The following FMN2 variants were observed in gnomAD, a reference collection of about 807,000 sequenced individuals.
FMN2 encodes formin 2, also known as formin-2.
A neutral mutation model predicts 142.3 loss-of-function variants in FMN2; 51 were observed. The observed-to-expected ratio is 0.36, with a 90% CI of 0.29 to 0.45. FMN2 has a LOEUF of 0.45. FMN2 is among the 20% of genes least tolerant of loss of function. The pLI is 1.00. For synonymous variants in FMN2, 882 were observed against 869.8 expected, an observed-to-expected ratio of 1.01 and a Z score of -0.25; for missense variants, 1,936 against 2,122.8, an observed-to-expected ratio of 0.91 and a Z score of 1.73.
intron 8 of FMN2, among the ~76,000 whole-genome samples, chr1:240,323,091 C>T (rs1671030167): frequency 6.6e-6 from 1 of 151,970 alleles, no homozygotes; most frequent in Admixed American, 6.6e-5. Flanking sequence ...CACATTGACT[C>T]TTCAGACCTT....
intron 13 of FMN2, chr1:240,341,257 G>A (rs1188590705): frequency 6.6e-6 from 1 of 151,864 alleles, no homozygotes; most frequent in African/African-American, 2.4e-5. Context: ...TTATGTCATT[G>A]ATATTTGTAA....
intron 7 of FMN2, among the ~76,000 whole-genome samples, chr1:240,290,779 GGTTTTTTTTTTTT>G (rs1008129009): frequency 6.2e-5 from 7 of 112,532 alleles, no homozygotes; most frequent in Admixed American, 1.9e-4. Flanking sequence ...CTGTTTGTTT[GGTTTTTTTTTTTT>G]GTTTTTTTTT....
intron 13 of FMN2, among the ~76,000 whole-genome samples, chr1:240,353,861 T>A (rs1049419637): frequency 2.6e-5 from 4 of 152,146 alleles, no homozygotes; most frequent in Non-Finnish European, 5.9e-5. Context: ...CGCCTCATCC[T>A]GCTTGGAGAC....
intron 7 of FMN2, among the ~76,000 whole-genome samples, chr1:240,286,206 AG>A (rs1377512247): frequency 6.6e-6 from 1 of 152,038 alleles, no homozygotes; most frequent in Non-Finnish European, 1.5e-5. Flanking sequence ...TTGGGGGAGG[AG>A]GGCTGAATGG....
At chr1:240,409,375 T>C (rs1482389601) in intron 15 of FMN2, among the ~76,000 whole-genome samples, 2 of 151,992 alleles carry the variant, frequency 1.3e-5, no homozygotes, top group African/African-American at 2.4e-5. Context: ...AACTCCTGAC[T>C]TCAAAGGATC....
At chr1:240,145,236 C>A in intron 2 of FMN2, 1 of 1,472,474 alleles carries the variant, frequency 6.8e-7, no homozygotes. Context: ...TTATCTTCCT[C>A]AGACAGCTCC....
intron 2 of FMN2, chr1:240,142,895 A>C: frequency 1.2e-6 from 2 of 1,605,456 alleles, no homozygotes; most frequent in Non-Finnish European, 1.7e-6. Context: ...GCTCCTCATC[A>C]AACGTAACCA....
In FMN2 at chr1:240,171,280, G is replaced by A. The variant is rs76927661; in HGVS notation, c.1783-6641G>A. On this transcript the variant is annotated intron_variant, in intron 2 of 17. Coordinates refer to ENST00000319653, the MANE Select transcript of FMN2 (RefSeq NM_020066.5). ...GCATTCTGGAAAAAGCATTCGAACT[G>A]TTGTGAAGATTTAATTCAAAAGAGA... is the stretch of plus-strand genomic sequence containing the variant. The A allele has an allele frequency of 1.8e-3, 1,345 of 739,724 alleles. 9 individuals carry two copies. The African/African-American group carries it at 0.02, about 11-fold the overall frequency. 45.8% of individuals were successfully genotyped at this position (739,724 alleles called of 1,614,324 possible). A position where few individuals can be genotyped will look rare whatever the true frequency, so the allele number is the denominator to read the frequency against.
chr1:240,460,916 T>C (rs1042017828), intron 16 of FMN2, among the ~76,000 whole-genome samples: 3 of 152,150 alleles, frequency 2.0e-5, no homozygotes, highest in Non-Finnish European at 4.4e-5. Flanking sequence ...GAACTCCCAC[T>C]CTGGGCCTGC....
intron 1 of FMN2, 51 bp downstream of exon 1, chr1:240,093,775 G>C: frequency 8.0e-7 from 1 of 1,248,444 alleles, no homozygotes; most frequent in Admixed American, 4.2e-5. Context: ...CTGTCAGTCA[G>C]GGCCTTCCCC....
intron 2 of FMN2, chr1:240,170,769 GGGA>G: frequency 1.6e-6 from 2 of 1,252,524 alleles, no homozygotes; most frequent in Admixed American, 3.4e-5. Flanking sequence ...TCTTTGGCCT[GGGA>G]GGAGTTGGAT....
At chr1:240,158,766 ACT>A (rs1664139106) in intron 2 of FMN2, among the ~76,000 whole-genome samples, 1 of 151,958 alleles carries the variant, frequency 6.6e-6, no homozygotes, top group Admixed American at 6.6e-5. Context: ...TTTTGTCCAC[ACT>A]CTCATAAAGA....
intron 15 of FMN2, among the ~76,000 whole-genome samples, chr1:240,411,883 TG>T (rs1674406371): frequency 6.6e-6 from 1 of 152,114 alleles, no homozygotes; most frequent in South Asian, 2.1e-4. Context: ...AAGCCAGCCG[TG>T]TAGAAATGCT....
At chr1:240,237,534 A>C (rs1279863515) in intron 6 of FMN2, among the ~76,000 whole-genome samples, 1 of 152,188 alleles carries the variant, frequency 6.6e-6, no homozygotes, top group Admixed American at 6.5e-5. Flanking sequence ...CTAATTAAAT[A>C]CCGCAGCTGG....
intron 5 of FMN2, among the ~76,000 whole-genome samples, chr1:240,209,309 G>A (rs1039400330): frequency 1.3e-4 from 20 of 151,212 alleles, no homozygotes; most frequent in African/African-American, 4.1e-4. Context: ...GGAGTGCAGC[G>A]GTGCAGCCTC....
intron 6 of FMN2, among the ~76,000 whole-genome samples, chr1:240,244,534 T>G (rs939799195): frequency 1.3e-5 from 2 of 152,266 alleles, no homozygotes; most frequent in African/African-American, 4.8e-5. Flanking sequence ...TGGCTACTTG[T>G]GTAATAAATA....
intron 7 of FMN2, among the ~76,000 whole-genome samples, chr1:240,274,836 G>C (rs1344321418): frequency 1.3e-5 from 2 of 152,124 alleles, no homozygotes; most frequent in South Asian, 4.1e-4. Flanking sequence ...AGGATTATTG[G>C]CCTAAGTTAA....
chr1:240,335,797 G>C (rs1671534506), intron 13 of FMN2, among the ~76,000 whole-genome samples: 1 of 152,140 alleles, frequency 6.6e-6, no homozygotes, highest in African/African-American at 2.4e-5. Context: ...GTTCTTGCAA[G>C]ACTTGGAGCT....
intron 15 of FMN2, among the ~76,000 whole-genome samples, chr1:240,397,949 G>GA (rs1286486024): frequency 6.6e-6 from 1 of 150,690 alleles, no homozygotes; most frequent in Non-Finnish European, 1.5e-5. Flanking sequence ...TAGCCTTGAG[G>GA]AAAAAATGTA....
Sources: gnomAD v4.1 joint callset for allele counts (sites outside exome capture counted in the v4.1 genomes callset) on GRCh38, gnomAD v4.1.1 for gene constraint, MANE v1.5 for transcripts, NCBI Gene and HGNC (gene_info 2026-07-23, HGNC 2026-07-21) for gene names.